Variants in PTPRK observed in about 807,000 individuals in gnomAD.
PTPRK encodes the protein receptor-type tyrosine-protein phosphatase kappa.
Under a neutral mutation model 178.0 loss-of-function variants are expected in PTPRK, and 75 were observed. That is an observed-to-expected ratio of 0.42 (90% CI 0.35 to 0.51). PTPRK has a LOEUF of 0.51. PTPRK is among the 20% of genes least tolerant of loss of function. The pLI, the probability that PTPRK is intolerant of heterozygous loss-of-function variation, is 0.02. For missense variants in PTPRK, 1,441 were observed against 1,797.8 expected (o/e 0.80, Z 3.59); for synonymous variants, 637 against 620.6 (o/e 1.03, Z -0.39).
intron 7 of PTPRK, among the ~76,000 whole-genome samples, chr6:128,172,664 C>T (rs1051550112): frequency 3.3e-5 from 5 of 150,304 alleles, no homozygotes; most frequent in East Asian, 2.0e-4. Context: ...TATATACACA[C>T]CCACTATAGA....
At chr6:128,040,293 ATTTTATTTT>A (rs775269548) in intron 13 of PTPRK, among the ~76,000 whole-genome samples, 6 of 152,100 alleles carry the variant, frequency 3.9e-5, no homozygotes, top group Non-Finnish European at 7.4e-5. Flanking sequence ...AGTTTTATTT[ATTTTATTTT>A]TTTTAAATAA....
chr6:128,108,796 C>A (rs1020482067), intron 7 of PTPRK, among the ~76,000 whole-genome samples: 9 of 152,032 alleles, frequency 5.9e-5, no homozygotes, highest in Non-Finnish European at 1.5e-5. Context: ...GGGGTGATAG[C>A]AAGGGCAGGT....
chr6:128,419,415 G>A (rs1472563426), intron 1 of PTPRK, among the ~76,000 whole-genome samples: 4 of 151,760 alleles, frequency 2.6e-5, no homozygotes, highest in African/African-American at 4.8e-5. Flanking sequence ...GATCGAGACC[G>A]TCCTGGCTAA....
intron 13 of PTPRK, among the ~76,000 whole-genome samples, chr6:128,022,862 A>G (rs1773735750): frequency 6.6e-6 from 1 of 152,218 alleles, no homozygotes; most frequent in Non-Finnish European, 1.5e-5. Context: ...GAGAGCTAAG[A>G]TATTTAAAGG....
chr6:128,129,452 T>A (rs909197280), intron 7 of PTPRK, among the ~76,000 whole-genome samples: 1 of 152,210 alleles, frequency 6.6e-6, no homozygotes, highest in Non-Finnish European at 1.5e-5. Flanking sequence ...TCACCAGGAA[T>A]TAAGTATTCA....
Position 128,520,265 on chromosome 6 carries a change from A to C in PTPRK, c.94T>G (p.Ser32Ala). 1 of 1,596,798 alleles carries C rather than the reference A, an allele frequency of 6.3e-7. No individual in the cohort carries two copies. Among genetic ancestry groups the C allele is most frequent in the Non-Finnish European group, 8.5e-7 (1 of 1,171,520 alleles). The change falls in exon 1 of 30, where the codon TCC becomes GCC. Residue 32 changes from serine to alanine, a missense_variant. Physicochemically the swap from Ser to Ala is moderately conservative, Grantham distance 99. Coordinates refer to ENST00000368226, the MANE Select transcript of PTPRK (RefSeq NM_002844.4). The part of the protein sequence containing the change: ...PLLGSAQGQF[S>A]AGGCTFDDGP... ...ACGCCCCCCGGCCACTCACCTGCGG[A>C]GAACTGGCCTTGGGCCGATCCCAGG...
intron 7 of PTPRK, among the ~76,000 whole-genome samples, chr6:128,143,694 C>T (rs1226255850): frequency 2.6e-5 from 4 of 152,126 alleles, no homozygotes; most frequent in Non-Finnish European, 1.5e-5. Context: ...TTTCATTGGC[C>T]ATCCCCTGTC....
At chr6:128,259,981 A>T (rs1817932954) in intron 3 of PTPRK, among the ~76,000 whole-genome samples, 1 of 152,124 alleles carries the variant, frequency 6.6e-6, no homozygotes. Flanking sequence ...TATAGACCCA[A>T]TTAACAGTAG....
chr6:128,370,933 C>T (rs558647506), intron 2 of PTPRK, among the ~76,000 whole-genome samples: 1 of 152,164 alleles, frequency 6.6e-6, no homozygotes, highest in South Asian at 2.1e-4. Flanking sequence ...TTAACATCAG[C>T]AATAAGTTTA....
intron 29 of PTPRK, among the ~76,000 whole-genome samples, chr6:127,971,284 C>T (rs1583453821): frequency 6.6e-6 from 1 of 152,026 alleles, no homozygotes; most frequent in East Asian, 1.9e-4. Flanking sequence ...TAAAAATTCC[C>T]AACTCAGTTC....
At chr6:128,285,087 G>A (rs965210039) in intron 3 of PTPRK, among the ~76,000 whole-genome samples, 1 of 152,162 alleles carries the variant, frequency 6.6e-6, no homozygotes, top group African/African-American at 2.4e-5. Flanking sequence ...GAGGAATACT[G>A]TTGTCTTCTT....
At position 128,063,566 on chromosome 6, in the gene PTPRK, T is replaced by C. The variant is rs193123860; in HGVS notation, c.2194+1192A>G. ...TGATATAGACCTAAATGCTTTCTTC[T>C]ATTATCTTTTAAAAATTTCAACTCT... On this transcript the variant is annotated intron_variant, in intron 13 of 29. Transcript: ENST00000368226. The C allele has an allele frequency of 1.9e-4, 29 of 152,328 alleles. 1 individual carries two copies. In the East Asian group the frequency reaches 4.8e-3, roughly 25 times the overall value. 9.4% of individuals were successfully genotyped at this position (152,328 alleles called of 1,614,324 possible). A position where few individuals can be genotyped will look rare whatever the true frequency, so the allele number is the denominator to read the frequency against.
intron 25 of PTPRK, among the ~76,000 whole-genome samples, chr6:127,980,244 AG>A (rs1234810977): frequency 2.0e-5 from 3 of 152,136 alleles, no homozygotes; most frequent in African/African-American, 7.2e-5. Context: ...TGGGAAGCAG[AG>A]GTTGCAGTGA....
At chr6:128,211,731 C>A (rs147819302) in intron 6 of PTPRK, among the ~76,000 whole-genome samples, 5 of 152,112 alleles carry the variant, frequency 3.3e-5, no homozygotes, top group African/African-American at 1.2e-4. Flanking sequence ...ATGCTAACTG[C>A]AAGACTAAAC....
In PTPRK at chr6:128,468,632, C is replaced by G. The variant is rs114848562; in HGVS notation, c.100+51627G>C. ...AAGAATTTCCCACCAAAACCTCCAG[C>G]AATTCCATGACTTCGGTGGACAACA... On this transcript the variant is annotated intron_variant, in intron 1 of 29. Transcript: ENST00000368226. 5.2e-3 allele frequency among the ~76,000 whole-genome samples: 791 copies of G among 152,174 alleles called. 8 individuals carry two copies. The highest frequency in any genetic ancestry group is 0.018 in the African/African-American group (751 of 41,508).
At chr6:128,464,674 T>TATATATACAC (rs1407701569) in intron 1 of PTPRK, among the ~76,000 whole-genome samples, 18 of 124,760 alleles carry the variant, frequency 1.4e-4, no homozygotes, top group African/African-American at 4.9e-4. Flanking sequence ...TATATATATA[T>TATATATACAC]ACAACAGATG....
intron 13 of PTPRK, among the ~76,000 whole-genome samples, chr6:128,055,377 A>G (rs1779718475): frequency 6.6e-6 from 1 of 152,178 alleles, no homozygotes; most frequent in African/African-American, 2.4e-5. Flanking sequence ...TTGTTTTGAT[A>G]TTTATAATTT....
intron 1 of PTPRK, among the ~76,000 whole-genome samples, chr6:128,405,937 T>G (rs1045084261): frequency 5.9e-5 from 9 of 152,068 alleles, no homozygotes; most frequent in Admixed American, 3.9e-4. Context: ...GACTTTGAAA[T>G]ACACTTCAAG....
intron 2 of PTPRK, among the ~76,000 whole-genome samples, chr6:128,329,342 T>C (rs1031948133): frequency 2.6e-5 from 4 of 151,546 alleles, no homozygotes; most frequent in South Asian, 4.2e-4. Flanking sequence ...ACGAAGGATA[T>C]ATTAGTCAGG....
Sources: allele counts gnomAD v4.1 joint callset (sites outside exome capture counted in the v4.1 genomes callset), GRCh38; gene constraint gnomAD v4.1.1; transcripts MANE v1.5; gene names NCBI Gene and HGNC (gene_info 2026-07-23, HGNC 2026-07-21).